DCHS2: variants seen among roughly 807,000 people sequenced by gnomAD.
The protein encoded by DCHS2 is protocadherin-23.
DCHS2 carries 142 observed loss-of-function variants against 182.4 expected under a neutral mutation model. The observed-to-expected ratio is 0.78, with a 90% CI of 0.68 to 0.89. DCHS2 has a LOEUF of 0.89. Among genes scored for constraint, DCHS2 ranks in the 40% least tolerant of loss-of-function variants. The pLI, the probability that DCHS2 is intolerant of heterozygous loss-of-function variation, is 0.00. For synonymous variants in DCHS2, 1,740 were observed against 1,663.3 expected, an observed-to-expected ratio of 1.05 and a Z score of -1.12; for missense variants, 4,319 against 4,198.6, an observed-to-expected ratio of 1.03 and a Z score of -0.79.
intron 3 of DCHS2, among the ~76,000 whole-genome samples, chr4:154,350,140 T>C (rs188574374): frequency 4.7e-4 from 72 of 152,350 alleles, no homozygotes; most frequent in Middle Eastern, 6.8e-3. Context: ...TCTGAGGAAC[T>C]CAGCTAACAG....
At chr4:154,301,643 T>C (rs1477432909) in intron 12 of DCHS2, among the ~76,000 whole-genome samples, 2 of 152,102 alleles carry the variant, frequency 1.3e-5, no homozygotes, top group Non-Finnish European at 2.9e-5. Context: ...GTAGCTGGGA[T>C]TACAGGCATG....
At chr4:154,391,367 T>C in intron 1 of DCHS2, 2 of 1,525,022 alleles carry the variant, frequency 1.3e-6, no homozygotes, top group East Asian at 2.5e-5. Flanking sequence ...TTCCTTGTGC[T>C]ACAGGTTCAC....
At chr4:154,397,521 C>G (rs1041669783) in intron 1 of DCHS2, among the ~76,000 whole-genome samples, 4 of 152,122 alleles carry the variant, frequency 2.6e-5, no homozygotes, top group African/African-American at 9.7e-5. Flanking sequence ...TGCTTCTTAC[C>G]AAATACTACT....
At chr4:154,328,031 A>T in intron 7 of DCHS2, 62 bp downstream of exon 7, 1 of 1,182,286 alleles carries the variant, frequency 8.5e-7, no homozygotes, top group Non-Finnish European at 1.2e-6. Context: ...AGAAGGGGAT[A>T]GTTGATAAAT....
intron 1 of DCHS2, chr4:154,384,266 G>A: frequency 6.8e-7 from 1 of 1,476,696 alleles, no homozygotes; most frequent in Non-Finnish European, 9.0e-7. Context: ...TGAATTATTT[G>A]GCAGCCGTTC....
chr4:154,419,987 T>C (rs1425673669), intron 1 of DCHS2, among the ~76,000 whole-genome samples: 2 of 152,074 alleles, frequency 1.3e-5, no homozygotes, highest in African/African-American at 4.8e-5. Flanking sequence ...CAGTTTGCAT[T>C]TAAGAACATC....
At chr4:154,395,277 A>T (rs919142323) in intron 1 of DCHS2, among the ~76,000 whole-genome samples, 9 of 152,070 alleles carry the variant, frequency 5.9e-5, no homozygotes, top group Non-Finnish European at 1.2e-4. Flanking sequence ...GCTTGGTCAC[A>T]CTCCACCTGG....
chr4:154,343,620 G>C (rs1273725651), intron 3 of DCHS2: 2 of 1,506,068 alleles, frequency 1.3e-6, no homozygotes, highest in African/African-American at 2.8e-5. Flanking sequence ...TTTTTTTTCT[G>C]CAGCTTCCTC....
At position 154,448,525 on chromosome 4, in the gene DCHS2, C is replaced by T. The variant is rs138263321; in HGVS notation, c.2052+40779G>A. ...CCATCACTCCTGCCACCACCCATAT[C>T]CCAGCTACCACTATTTGTCATCTCA... On this transcript the variant is annotated intron_variant, in intron 1 of 19. Transcript: ENST00000357232. 6.9e-4 allele frequency among the ~76,000 whole-genome samples: 105 copies of T among 152,274 alleles called. 1 individual carries two copies. The highest frequency in any genetic ancestry group is 3.4e-3 in the Middle Eastern group (1 of 294).
chr4:154,344,733 G>A (rs768442431), intron 3 of DCHS2, among the ~76,000 whole-genome samples: 6 of 152,252 alleles, frequency 3.9e-5, no homozygotes, highest in Non-Finnish European at 7.4e-5. Flanking sequence ...GCCCTGAGGC[G>A]GTGCCGCAGG....
In DCHS2 at chr4:154,322,481, A is replaced by G. The variant is rs1312220754; in HGVS notation, c.4026T>C (p.Ser1342=). ...TGGCGTCAATCTTAAAGTGATCAGA[A>G]CTATCTTCTACACACACAAGAAAAT... ...EVTYSVSSED[S]SDHFKIDANN... is the part of the protein sequence containing the mutation. Residue 1342 remains serine, a synonymous_variant, in exon 8 of 20, where the codon AGT becomes AGC. Transcript: ENST00000357232. 1 of 1,606,936 alleles carries G rather than the reference A, an allele frequency of 6.2e-7. No homozygotes were observed.
At chr4:154,327,631 C>T (rs1736333350) in intron 7 of DCHS2, among the ~76,000 whole-genome samples, 1 of 152,106 alleles carries the variant, frequency 6.6e-6, no homozygotes, top group Non-Finnish European at 1.5e-5. Context: ...AAGCCCACTT[C>T]AATAAAATTT....
At chr4:154,362,561 A>C (rs1230674311) in intron 3 of DCHS2, among the ~76,000 whole-genome samples, 1 of 152,192 alleles carries the variant, frequency 6.6e-6, no homozygotes, top group African/African-American at 2.4e-5. Flanking sequence ...TTCCTGAAAG[A>C]AAATATCCAG....
intron 3 of DCHS2, among the ~76,000 whole-genome samples, chr4:154,349,773 C>T (rs17314667): frequency 0.013 from 1,951 of 152,212 alleles, 27 homozygotes; most frequent in South Asian, 0.037. Flanking sequence ...TGTATTTAAA[C>T]GTGTTGCTAC....
chr4:154,439,168 CT>C (rs749610866), intron 1 of DCHS2, among the ~76,000 whole-genome samples: 1 of 152,292 alleles, frequency 6.6e-6, no homozygotes, highest in East Asian at 1.9e-4. Flanking sequence ...TCACCAGAGG[CT>C]TTTCACACTG....
At chr4:154,467,378 T>G (rs1015934931) in intron 1 of DCHS2, among the ~76,000 whole-genome samples, 1 of 152,164 alleles carries the variant, frequency 6.6e-6, no homozygotes, top group Non-Finnish European at 1.5e-5. Context: ...TATTTCCTAT[T>G]AGCAAAATAA....
chr4:154,303,502 A>C lies in DCHS2; in HGVS notation c.5605+1167T>G, dbSNP rs1163016566. ...AGTGAAGCAAAAAAAAAAAAAAAAAAAAGCTGAAGATCACTGGCAGAGACT... is the reference window on the plus strand; with the variant it reads ...AGTGAAGCAAAAAAAAAAAAAAAAACAAGCTGAAGATCACTGGCAGAGACT... On this transcript the variant is annotated intron_variant, in intron 12 of 19. Transcript: ENST00000357232. Among the ~76,000 whole-genome samples, 11 of 151,396 alleles carry C rather than the reference A, an allele frequency of 7.3e-5. No homozygotes were observed. The East Asian group carries it at 1.9e-3, about 27-fold the overall frequency.
chr4:154,484,712 C>G (rs954874346), intron 1 of DCHS2, among the ~76,000 whole-genome samples: 4 of 152,180 alleles, frequency 2.6e-5, no homozygotes, highest in African/African-American at 9.7e-5. Context: ...TAAATTACTT[C>G]CACAGTTGCT....
At chr4:154,469,312 T>C (rs1735365265) in intron 1 of DCHS2, among the ~76,000 whole-genome samples, 1 of 152,086 alleles carries the variant, frequency 6.6e-6, no homozygotes, top group South Asian at 2.1e-4. Context: ...TTAAAAAGTG[T>C]ATTCAATACA....
Sources: gnomAD v4.1 joint callset for allele counts (sites outside exome capture counted in the v4.1 genomes callset) on GRCh38, gnomAD v4.1.1 for gene constraint, MANE v1.5 for transcripts, NCBI Gene and HGNC (gene_info 2026-07-23, HGNC 2026-07-21) for gene names.